The following USP16 variants were observed in gnomAD, a reference collection of about 807,000 sequenced individuals.
USP16 encodes ubiquitin carboxyl-terminal hydrolase 16.
A neutral mutation model predicts 95.9 loss-of-function variants in USP16; 77 were observed. The observed-to-expected ratio is 0.80, with a 90% CI of 0.67 to 0.97. The LOEUF is 0.97. USP16 is among the 50% of genes least tolerant of loss of function. The probability of loss-of-function intolerance (pLI) is 0.00; values close to 1 mark genes in which losing one functional copy is unlikely to be tolerated. For missense variants in USP16, 943 were observed against 959.9 expected, an observed-to-expected ratio of 0.98 and a Z score of 0.23; for synonymous variants, 303 against 318.2, an observed-to-expected ratio of 0.95 and a Z score of 0.51.
At chr21:29,024,832 G>T (rs1233293001) in intron 1 of USP16, 55 bp downstream of exon 1, 16 of 1,240,866 alleles carry the variant, frequency 1.3e-5, no homozygotes, top group African/African-American at 3.1e-5. Context: ...TTCTGCGCTG[G>T]GAGAGCTCCT....
At chr21:29,038,657 G>C (rs566557191) in intron 7 of USP16, among the ~76,000 whole-genome samples, 1 of 152,216 alleles carries the variant, frequency 6.6e-6, no homozygotes, top group Non-Finnish European at 1.5e-5. Flanking sequence ...CTTCCTTCTT[G>C]GGAATGTGTA....
chr21:29,045,595 C>A (rs1289079471), intron 13 of USP16, among the ~76,000 whole-genome samples: 1 of 151,828 alleles, frequency 6.6e-6, no homozygotes, highest in African/African-American at 2.4e-5. Context: ...AAACCTTGAC[C>A]CAGTAACTCA....
chr21:29,050,780 G>A (rs1244518218), intron 16 of USP16, among the ~76,000 whole-genome samples: 1 of 152,138 alleles, frequency 6.6e-6, no homozygotes, highest in African/African-American at 2.4e-5. Context: ...AAGTTTTGGA[G>A]GGTTCTCATG....
chr21:29,042,353 T>G (rs2085257000), intron 11 of USP16, 119 bp from the exon 12 acceptor site: 2 of 1,065,172 alleles, frequency 1.9e-6, no homozygotes, highest in African/African-American at 1.6e-5. Flanking sequence ...CAAATTTTCT[T>G]AAGCCTTTGT....
At chr21:29,032,138 C>G (rs1160404428) in intron 3 of USP16, among the ~76,000 whole-genome samples, 1 of 152,176 alleles carries the variant, frequency 6.6e-6, no homozygotes, top group African/African-American at 2.4e-5. Flanking sequence ...CCCCTGGCAA[C>G]TACCATTCTA....
At chr21:29,046,645 A>T (rs761890770) in intron 13 of USP16, 22 bp from the exon 14 acceptor site, 3 of 1,558,168 alleles carry the variant, frequency 1.9e-6, no homozygotes, top group Non-Finnish European at 2.6e-6. Context: ...TTATTTTTTG[A>T]TGCCGTATAC....
rs1286922263 is a variant in USP16 at position 29,053,847 on chromosome 21, G to C, written c.2239G>C (p.Val747Leu). The C allele has an allele frequency of 6.2e-7, 1 of 1,614,092 alleles. No individual in the cohort carries two copies. Among genetic ancestry groups the C allele is most frequent in the Admixed American group, 1.7e-5 (1 of 60,010 alleles). ...NTRVLYSLYG[V>L]VEHSGTMRSG... ...AAGGGTACTCTATTCCTTATATGGA[G>C]TTGTTGAACACAGTGGTACTATGAG... Residue 747 changes from valine to leucine, a missense_variant, in exon 17 of 18, where the codon GTT becomes CTT. Transcript: ENST00000399976.
intron 3 of USP16, among the ~76,000 whole-genome samples, chr21:29,034,299 TTTC>T (rs1225260206): frequency 2.1e-5 from 3 of 141,624 alleles, no homozygotes. Context: ...AGTGCATGGT[TTTC>T]TTTTTTTTTT....
chr21:29,043,775 T>C (rs1254533683), intron 13 of USP16, among the ~76,000 whole-genome samples, 176 bp downstream of exon 13: 3 of 152,232 alleles, frequency 2.0e-5, no homozygotes, highest in East Asian at 1.9e-4. Context: ...TTTGAGTATA[T>C]GTGAAGAAAA....
chr21:29,046,703 C>A lies in USP16; in HGVS notation c.1393C>A (p.Leu465Ile). The change falls in exon 14 of 18, where the codon CTT becomes ATT. Residue 465 changes from leucine to isoleucine, a missense_variant. Physicochemically the swap from Leu to Ile is conservative, Grantham distance 5. Transcript: ENST00000399976. ...ACAACAAAAAATTCAAGGAAAAGTT[C>A]TTCATTTAAATGATATTTGTACTAT... ...RRQQKIQGKVLHLNDICTIDH... is the reference protein window; with the variant it reads ...RRQQKIQGKVIHLNDICTIDH... 1.2e-6 allele frequency: 2 copies of A among 1,608,130 alleles called. No individual in the cohort carries two copies. Among genetic ancestry groups the A allele is most frequent in the South Asian group, 1.1e-5 (1 of 89,516 alleles).
At chr21:29,026,052 G>T (rs997626133) in intron 1 of USP16, among the ~76,000 whole-genome samples, 49 of 152,312 alleles carry the variant, frequency 3.2e-4, no homozygotes, top group African/African-American at 1.1e-3. Context: ...ATTGTCTAAG[G>T]CTTCCTTGAA....
intron 13 of USP16, among the ~76,000 whole-genome samples, chr21:29,044,085 A>G (rs2085285764): frequency 6.6e-6 from 1 of 152,064 alleles, no homozygotes; most frequent in South Asian, 2.1e-4. Context: ...GGTGCATGCC[A>G]CCAAGCCTAG....
At chr21:29,025,855 C>G (rs748916005) in intron 1 of USP16, 204 of 427,402 alleles carry the variant, frequency 4.8e-4, no homozygotes, top group Middle Eastern at 4.6e-3. Flanking sequence ...ATATTATAGG[C>G]AGTTCCAAAA....
intron 3 of USP16, 92 bp from the exon 4 acceptor site, chr21:29,034,745 C>A: frequency 8.7e-7 from 1 of 1,149,244 alleles, no homozygotes; most frequent in Non-Finnish European, 1.3e-6. Context: ...GGCAGAATTT[C>A]ATGAGCCACT....
chr21:29,036,504 A>T, intron 5 of USP16, 130 bp downstream of exon 5: 2 of 869,662 alleles, frequency 2.3e-6, no homozygotes, highest in Non-Finnish European at 3.5e-6. Flanking sequence ...CAAACTATGA[A>T]ACTATTTTTG....
intron 5 of USP16, 101 bp downstream of exon 5, chr21:29,036,475 CATT>C: frequency 1.8e-6 from 2 of 1,115,816 alleles, no homozygotes; most frequent in South Asian, 1.4e-5. Flanking sequence ...AGCTGAGTAA[CATT>C]AGTTATGGTT....
At chr21:29,027,748 G>T in intron 1 of USP16, 125 bp from the exon 2 acceptor site, 1 of 692,602 alleles carries the variant, frequency 1.4e-6, no homozygotes, top group South Asian at 1.6e-5. Context: ...ATATGTGATT[G>T]GTCTTTGTAA....
chr21:29,047,285 C>T lies in USP16; in HGVS notation c.1975C>T (p.Arg659Trp), dbSNP rs377322556. Residue 659 changes from arginine to tryptophan, a missense_variant, in exon 14 of 18, where the codon CGG (arginine) becomes TGG (tryptophan). Physicochemically the swap from Arg to Trp is moderately radical, Grantham distance 101. Transcript: ENST00000399976. ...ANKLLCEVCT[R>W]RQCNGPKANI... Reference sequence around the variant, plus strand: ...TAAACTGCTTTGTGAAGTATGCACACGGAGACAGTGTAATGGACCAAAGGC... The same window carrying T: ...TAAACTGCTTTGTGAAGTATGCACATGGAGACAGTGTAATGGACCAAAGGC... 4.0e-5 allele frequency: 64 copies of T among 1,613,576 alleles called. No individual in the cohort carries two copies. The African/African-American group carries it at 5.6e-4, about 14-fold the overall frequency.
At position 29,030,777 on chromosome 21, in the gene USP16, T is replaced by G; in HGVS notation, c.240+4T>G. On this transcript the variant is annotated splice_donor_region_variant and intron_variant, in intron 3 of 17. Transcript: ENST00000399976. ...GTGTCTTAAATGTGGCCATCAGGTA[T>G]GCTTACGTTTTAAGATCAATATGGG... is the stretch of plus-strand genomic sequence containing the variant. The G allele has an allele frequency of 2.5e-6, 4 of 1,592,210 alleles. No individual in the cohort carries two copies. Among genetic ancestry groups the G allele is most frequent in the Non-Finnish European group, 3.4e-6 (4 of 1,173,422 alleles).
Sources: gnomAD v4.1 joint callset for allele counts (sites outside exome capture counted in the v4.1 genomes callset) on GRCh38, gnomAD v4.1.1 for gene constraint, MANE v1.5 for transcripts, NCBI Gene and HGNC (gene_info 2026-07-23, HGNC 2026-07-21) for gene names.